The following IL16 variants were observed in gnomAD, a reference collection of about 807,000 sequenced individuals.
IL16 encodes pro-interleukin-16.
IL16 carries 67 observed loss-of-function variants against 110.1 expected under a neutral mutation model. The observed-to-expected ratio is 0.61, with a 90% CI of 0.50 to 0.75. The LOEUF is 0.75. Among genes scored for constraint, IL16 ranks in the 30% least tolerant of loss-of-function variants. The pLI is 0.00. For missense variants in IL16, 1,545 were observed against 1,655.0 expected, an observed-to-expected ratio of 0.93 and a Z score of 1.15; for synonymous variants, 689 against 662.9, an observed-to-expected ratio of 1.04 and a Z score of -0.61.
Position 81,300,126 on chromosome 15 carries a change from C to CT in IL16, c.2801dup (p.Gly937TrpfsTer14). ...AGGGCGGCAGCCCAATCAGAAAACT[C>CT]TCCCCCCTGGCCCGGACCCGCTCCT... On this transcript the variant is annotated frameshift_variant, in exon 14 of 19. Coordinates refer to ENST00000683961, the MANE Select transcript of IL16 (RefSeq NM_172217.5). LOFTEE classifies it high-confidence loss of function. 1 of 1,599,682 alleles carries CT rather than the reference C, an allele frequency of 6.3e-7. No individual in the cohort carries two copies. The highest frequency in any genetic ancestry group is 8.5e-7 in the Non-Finnish European group (1 of 1,172,554).
intron 1 of IL16, among the ~76,000 whole-genome samples, chr15:81,213,129 A>G (rs1896308826): frequency 6.6e-6 from 1 of 152,058 alleles, no homozygotes. Flanking sequence ...TTTCTGCCTT[A>G]ATTTCTGTGC....
intron 1 of IL16, among the ~76,000 whole-genome samples, chr15:81,216,785 C>T (rs1026913300): frequency 1.3e-5 from 2 of 152,114 alleles, no homozygotes; most frequent in Admixed American, 1.3e-4. Context: ...GTCTACTGTG[C>T]CTGGCACCCC....
intron 1 of IL16, among the ~76,000 whole-genome samples, chr15:81,191,514 G>T (rs998607719): frequency 6.6e-6 from 1 of 152,208 alleles, no homozygotes; most frequent in Non-Finnish European, 1.5e-5. Flanking sequence ...TAGTGCTGGG[G>T]ACCCCACAGT....
intron 10 of IL16, chr15:81,289,820 C>T: frequency 1.5e-5 from 6 of 390,302 alleles, no homozygotes; most frequent in Admixed American, 3.4e-5. Context: ...TTTTTGTTTC[C>T]TGTACTTTTG....
chr15:81,278,810 TA>T lies in IL16; in HGVS notation c.791-4del. ...TCTTCTTAGCTACACTTTCTCTCTC[TA>T]AACAGGTGATGAAATTCTGGAGCTC... On this transcript the variant is annotated splice_region_variant and splice_polypyrimidine_tract_variant and intron_variant, in intron 6 of 18. Transcript: ENST00000683961. 1.3e-6 allele frequency: 2 copies of T among 1,596,536 alleles called. No homozygotes were observed. Among genetic ancestry groups the T allele is most frequent in the Non-Finnish European group, 1.7e-6 (2 of 1,164,050 alleles).
Position 81,292,726 on chromosome 15 carries a change from G to C in IL16, c.1591G>C (p.Glu531Gln), listed in dbSNP as rs1899792693. 1.2e-6 allele frequency: 2 copies of C among 1,614,064 alleles called. No individual in the cohort carries two copies. The highest frequency in any genetic ancestry group is 1.7e-6 in the Non-Finnish European group (2 of 1,180,046). The stretch of plus-strand genomic sequence containing the variant: ...GGGAAGTCCTGGGAGTGGCAGTGCT[G>C]AGAAGCCGTCCTCTGACGTGGACAT... The part of the protein sequence containing the change: ...PGGSPGSGSA[E>Q]KPSSDVDIST... Residue 531 changes from glutamate to glutamine, a missense_variant, in exon 12 of 19, where the codon GAG becomes CAG. By Grantham distance (29) the Glu-to-Gln change is conservative. This residue lies in a region of IL16 where 1,185 missense variants were observed against 1,238.8 expected (regional missense o/e 0.96). Transcript: ENST00000683961.
Position 81,306,135 on chromosome 15 carries a change from C to T in IL16, c.3648C>T (p.Ala1216=). 1.2e-6 allele frequency: 2 copies of T among 1,614,178 alleles called. No homozygotes were observed. Among genetic ancestry groups the T allele is most frequent in the South Asian group, 2.2e-5 (2 of 91,084 alleles). Reference sequence around the variant, plus strand: ...CCTCCACTGACTCTGCAGCCTCAGCCTCTGCAGCCAGTGATGTTTCTGTAG... The same window carrying T: ...CCTCCACTGACTCTGCAGCCTCAGCTTCTGCAGCCAGTGATGTTTCTGTAG... The part of the protein sequence containing the change: ...LNSSTDSAAS[A]SAASDVSVES... Residue 1216 remains alanine (A), a synonymous_variant, in exon 17 of 19, where the codon GCC becomes GCT. Transcript: ENST00000683961.
rs1319257914 is a variant in IL16, at chr15:81,303,506, T to C, written c.3319-43T>C. On this transcript the variant is annotated intron_variant, in intron 15 of 18. Coordinates refer to ENST00000683961, the MANE Select transcript of IL16 (RefSeq NM_172217.5). The surrounding 1 kb of genome is among the most constrained non-coding windows in gnomAD (Gnocchi z 4.1). Reference sequence around the variant, plus strand: ...CAGTCCGATGTTAAATTGTTCATCCTCTTGCAGTAAAATGTTTTTGAATGT... The same window carrying C: ...CAGTCCGATGTTAAATTGTTCATCCCCTTGCAGTAAAATGTTTTTGAATGT... 5 of 1,305,252 alleles carry C rather than the reference T, an allele frequency of 3.8e-6. No homozygotes were observed. Among genetic ancestry groups the C allele is most frequent in the Non-Finnish European group, 5.6e-6 (5 of 899,956 alleles). 80.9% of individuals were successfully genotyped at this position (1,305,252 alleles called of 1,614,324 possible).
chr15:81,192,789 G>T (rs1383788044), upstream of IL16, among the ~76,000 whole-genome samples: 1 of 152,170 alleles, frequency 6.6e-6, no homozygotes, highest in Non-Finnish European at 1.5e-5. Context: ...CAGACAAGAG[G>T]CACTGGTAAG....
chr15:81,278,671 G>A (rs529711121), intron 6 of IL16, 146 bp from the exon 7 acceptor site: 8 of 664,086 alleles, frequency 1.2e-5, no homozygotes, highest in Middle Eastern at 2.5e-4. Flanking sequence ...TTCGCAAGGG[G>A]AGAGCACAAA....
At chr15:81,239,508 G>A (rs1310290677) in intron 2 of IL16, among the ~76,000 whole-genome samples, 2 of 152,186 alleles carry the variant, frequency 1.3e-5, no homozygotes, top group African/African-American at 2.4e-5. Context: ...CAGGGCCTGG[G>A]CCTCTTTTTC....
intron 3 of IL16, among the ~76,000 whole-genome samples, chr15:81,261,337 G>A (rs1898146580): frequency 6.6e-6 from 1 of 152,210 alleles, no homozygotes; most frequent in Admixed American, 6.5e-5. Context: ...CCTGGGAGCT[G>A]AACCCCGCAG....
At chr15:81,200,951 C>T (rs756484884) in intron 1 of IL16, among the ~76,000 whole-genome samples, 2 of 152,128 alleles carry the variant, frequency 1.3e-5, no homozygotes, top group Non-Finnish European at 2.9e-5. Context: ...CAGTCTTATG[C>T]GCTTTCCCTC....
intron 6 of IL16, among the ~76,000 whole-genome samples, chr15:81,278,113 A>G (rs907726585): frequency 6.6e-6 from 1 of 151,904 alleles, no homozygotes; most frequent in East Asian, 1.9e-4. Flanking sequence ...ACTTTTCTCT[A>G]TTGTAAAATG....
chr15:81,232,054 T>TTTTTTTTTTTTTTTTTTTTTTTTTTTG (rs1567009305), intron 2 of IL16, among the ~76,000 whole-genome samples: 3 of 133,542 alleles, frequency 2.2e-5, no homozygotes, highest in Admixed American at 7.7e-5. Context: ...TTTTTTTTTT[T>TTTTTTTTTTTTTTTTTTTTTTTTTTTG]TTTTTTTTTT....
intron 2 of IL16, among the ~76,000 whole-genome samples, chr15:81,231,931 A>G (rs770730057): frequency 6.7e-6 from 1 of 149,998 alleles, no homozygotes; most frequent in South Asian, 2.1e-4. Flanking sequence ...TGGTTTCTCT[A>G]TTCTGATCTA....
At chr15:81,203,221 G>A (rs1895888000) in intron 1 of IL16, among the ~76,000 whole-genome samples, 1 of 151,378 alleles carries the variant, frequency 6.6e-6, no homozygotes, top group Non-Finnish European at 1.5e-5. Context: ...CTGGATATTA[G>A]CCCTTTGTCA....
chr15:81,219,223 G>C (rs1896535520), intron 1 of IL16, among the ~76,000 whole-genome samples: 2 of 152,070 alleles, frequency 1.3e-5, no homozygotes, highest in Admixed American at 1.3e-4. Flanking sequence ...GTGTAGCTTT[G>C]TGCAGTTGAC....
chr15:81,227,735 G>A (rs1351875128), intron 2 of IL16, among the ~76,000 whole-genome samples: 1 of 152,180 alleles, frequency 6.6e-6, no homozygotes, highest in Non-Finnish European at 1.5e-5. Flanking sequence ...AGAATGGAGT[G>A]TAGGGAGACC....
Sources: gnomAD v4.1 joint callset for allele counts (sites outside exome capture counted in the v4.1 genomes callset) on GRCh38, gnomAD v4.1.1 for gene constraint, gnomAD v4.1.1 regional missense constraint, Gnocchi (gnomAD v3.1) non-coding constraint, MANE v1.5 for transcripts, NCBI Gene and HGNC (gene_info 2026-07-23, HGNC 2026-07-21) for gene names.